The following LUZP2 variants were observed in gnomAD, a reference collection of about 807,000 sequenced individuals.
The protein encoded by LUZP2 is leucine zipper protein 2.
LUZP2 carries 52 observed loss-of-function variants against 51.6 expected under a neutral mutation model. The ratio of observed to expected loss-of-function variants is 1.01; its 90% CI spans 0.81 to 1.27. LUZP2 has a LOEUF of 1.27. Ranked by LOEUF, LUZP2 falls within the 50% of genes most tolerant of loss-of-function variation. The pLI is 0.00. For synonymous variants in LUZP2, 154 were observed against 137.3 expected (o/e 1.12, Z -0.85); for missense variants, 436 against 395.4 (o/e 1.10, Z -0.87).
At chr11:24,648,246 A>G (rs1022451146) in intron 1 of LUZP2, among the ~76,000 whole-genome samples, 3 of 151,878 alleles carry the variant, frequency 2.0e-5, no homozygotes, top group Non-Finnish European at 2.9e-5. Context: ...TCATGTAGGT[A>G]TCCATGCATA....
At chr11:24,959,530 G>A (rs1234322370) in intron 7 of LUZP2, among the ~76,000 whole-genome samples, 9 of 152,254 alleles carry the variant, frequency 5.9e-5, no homozygotes, top group Non-Finnish European at 1.3e-4. Flanking sequence ...GTGAATGGGA[G>A]TTCACTCATG....
Position 24,602,178 on chromosome 11 carries a change from G to A in LUZP2, c.62+104873G>A, listed in dbSNP as rs1030265897. Among the ~76,000 whole-genome samples, 416 of 112,042 alleles carry A rather than the reference G, an allele frequency of 3.7e-3. 9 individuals carry two copies. Among genetic ancestry groups the A allele is most frequent in the Non-Finnish European group, 6.3e-3 (346 of 54,856 alleles). 73.5% of individuals were successfully genotyped at this position (112,042 alleles called of 152,430 possible). A position where few individuals can be genotyped will look rare whatever the true frequency, so the allele number is the denominator to read the frequency against. On this transcript the variant is annotated intron_variant, in intron 1 of 11. Coordinates refer to ENST00000336930, the MANE Select transcript of LUZP2 (RefSeq NM_001009909.4). ...TATATGTATATATGTGTATATATATGTGTATATATGTATATATGTACATAT... is the reference window on the plus strand; with the variant it reads ...TATATGTATATATGTGTATATATATATGTATATATGTATATATGTACATAT...
At chr11:24,712,494 A>T (rs1270408958) in intron 1 of LUZP2, among the ~76,000 whole-genome samples, 1 of 152,186 alleles carries the variant, frequency 6.6e-6, no homozygotes, top group Non-Finnish European at 1.5e-5. Flanking sequence ...AAGATCTGTG[A>T]TACAAAATTA....
At chr11:24,854,533 A>T (rs1851494047) in intron 5 of LUZP2, among the ~76,000 whole-genome samples, 1 of 152,170 alleles carries the variant, frequency 6.6e-6, no homozygotes, top group African/African-American at 2.4e-5. Context: ...ATTTCAAGCC[A>T]GTGGATCTTA....
At chr11:25,000,698 A>G (rs192388702) in intron 9 of LUZP2, among the ~76,000 whole-genome samples, 1 of 152,112 alleles carries the variant, frequency 6.6e-6, no homozygotes, top group Non-Finnish European at 1.5e-5. Flanking sequence ...TTTCCTGTAA[A>G]CACCGGGTGG....
At chr11:24,652,635 A>G (rs1855663367) in intron 1 of LUZP2, among the ~76,000 whole-genome samples, 1 of 152,156 alleles carries the variant, frequency 6.6e-6, no homozygotes, top group Non-Finnish European at 1.5e-5. Flanking sequence ...TTCTAGATGA[A>G]GGTCAATTGA....
chr11:25,024,447 A>T (rs1857425803), intron 9 of LUZP2, among the ~76,000 whole-genome samples: 1 of 152,152 alleles, frequency 6.6e-6, no homozygotes, highest in East Asian at 1.9e-4. Context: ...ACTTCAGCAA[A>T]GTCTCAGGAT....
rs185725632 is a variant in LUZP2 at position 24,560,494 on chromosome 11, C to T, written c.62+63189C>T. Among the ~76,000 whole-genome samples the T allele has an allele frequency of 2.4e-4, 37 of 152,194 alleles. 1 individual carries two copies. Among genetic ancestry groups the T allele is most frequent in the African/African-American group, 8.9e-4 (37 of 41,524 alleles). Reference sequence around the variant, plus strand: ...TGAGCTTTACATTATAAAAAACTCACTATGGTTGTGTAAAGAAAACCTGAG... The same window carrying T: ...TGAGCTTTACATTATAAAAAACTCATTATGGTTGTGTAAAGAAAACCTGAG... On this transcript the variant is annotated intron_variant, in intron 1 of 11. Transcript: ENST00000336930.
At chr11:25,077,432 T>G (rs745395198) in intron 11 of LUZP2, 26 bp downstream of exon 11, 3 of 1,382,408 alleles carry the variant, frequency 2.2e-6, no homozygotes, top group Non-Finnish European at 3.0e-6. Context: ...ATTTCGTTTG[T>G]GTCAAAAAGC....
At chr11:24,592,855 T>G (rs1157699358) in intron 1 of LUZP2, among the ~76,000 whole-genome samples, 1 of 152,140 alleles carries the variant, frequency 6.6e-6, no homozygotes, top group East Asian at 1.9e-4. Flanking sequence ...AAAACTAAAA[T>G]TACAAAGAAC....
intron 7 of LUZP2, among the ~76,000 whole-genome samples, chr11:24,924,569 A>G (rs778466260): frequency 3.3e-5 from 5 of 152,204 alleles, no homozygotes; most frequent in Non-Finnish European, 4.4e-5. Context: ...CAAAAAGTAT[A>G]TGAGACTGGT....
rs543476502 is a variant in LUZP2 at position 24,561,260 on chromosome 11, C to A, written c.62+63955C>A. Among the ~76,000 whole-genome samples the A allele has an allele frequency of 7.9e-5, 12 of 152,188 alleles. No individual in the cohort carries two copies. The South Asian group carries it at 1.9e-3, about 24-fold the overall frequency. Reference sequence around the variant, plus strand: ...TCATGTTAATTGACAATAATAATTGCAGGTATCATATCAAAGATATTTTAA... The same window carrying A: ...TCATGTTAATTGACAATAATAATTGAAGGTATCATATCAAAGATATTTTAA... On this transcript the variant is annotated intron_variant, in intron 1 of 11. Transcript: ENST00000336930.
chr11:24,497,774 T>C (rs555834782), intron 1 of LUZP2, among the ~76,000 whole-genome samples: 6 of 152,202 alleles, frequency 3.9e-5, no homozygotes, highest in Non-Finnish European at 8.8e-5. Context: ...TCCTGGAAGA[T>C]GCTAAGACTT....
chr11:24,890,792 C>A, intron 5 of LUZP2: 1 of 487,792 alleles, frequency 2.1e-6, no homozygotes, highest in Non-Finnish European at 2.7e-6. Flanking sequence ...TAAGAAAATA[C>A]ATATGTACAT....
chr11:24,522,134 G>A (rs894967298), intron 1 of LUZP2, among the ~76,000 whole-genome samples: 1 of 152,072 alleles, frequency 6.6e-6, no homozygotes, highest in Non-Finnish European at 1.5e-5. Flanking sequence ...AAGTGCTATG[G>A]TAGAAAGATA....
rs572096386 is a variant in LUZP2, at chr11:24,618,008, A to G, written c.63-111161A>G. On this transcript the variant is annotated intron_variant, in intron 1 of 11. Transcript: ENST00000336930. ...GAAAATGCCTTATTACTACTGCCAGATAGTGGAAGAGGTACCAGTTTCCCA... is the reference window on the plus strand; with the variant it reads ...GAAAATGCCTTATTACTACTGCCAGGTAGTGGAAGAGGTACCAGTTTCCCA... Among the ~76,000 whole-genome samples, 11 of 152,258 alleles carry G rather than the reference A, an allele frequency of 7.2e-5. No individual in the cohort carries two copies. The East Asian group carries it at 1.7e-3, about 24-fold the overall frequency.
At chr11:24,565,517 A>G (rs1852187455) in intron 1 of LUZP2, among the ~76,000 whole-genome samples, 1 of 152,308 alleles carries the variant, frequency 6.6e-6, no homozygotes, top group Non-Finnish European at 1.5e-5. Context: ...AGCATCTGTT[A>G]TGACCATTTA....
intron 5 of LUZP2, among the ~76,000 whole-genome samples, chr11:24,842,089 AT>A (rs1318434262): frequency 2.6e-5 from 4 of 151,562 alleles, no homozygotes; most frequent in African/African-American, 7.3e-5. Context: ...ATATAAAAAA[AT>A]AGATATACTG....
intron 5 of LUZP2, among the ~76,000 whole-genome samples, chr11:24,776,061 A>G (rs1848909623): frequency 6.6e-6 from 1 of 152,196 alleles, no homozygotes; most frequent in African/African-American, 2.4e-5. Context: ...CAACCAATCA[A>G]AAGTTTCTTA....
Sources: gnomAD v4.1 joint callset for allele counts (sites outside exome capture counted in the v4.1 genomes callset) on GRCh38, gnomAD v4.1.1 for gene constraint, MANE v1.5 for transcripts, NCBI Gene and HGNC (gene_info 2026-07-23, HGNC 2026-07-21) for gene names.